Variants in LRRC63 observed in about 807,000 individuals in gnomAD.
LRRC63 encodes leucine-rich repeat-containing protein 63.
In LRRC63, 40 loss-of-function variants were observed where a neutral mutation model predicts 49.5. That is an observed-to-expected ratio of 0.81 (90% CI 0.63 to 1.05). LRRC63 has a LOEUF of 1.05. Among genes scored for constraint, LRRC63 ranks in the 50% least tolerant of loss-of-function variants. The pLI is 0.00. For missense variants in LRRC63, 636 were observed against 663.1 expected (o/e 0.96, Z 0.45); for synonymous variants, 191 against 221.1 (o/e 0.86, Z 1.21).
chr13:46,233,882 T>A (rs1290018909), intron 4 of LRRC63, among the ~76,000 whole-genome samples: 4 of 152,210 alleles, frequency 2.6e-5, no homozygotes, highest in Non-Finnish European at 5.9e-5. Context: ...AAGAGAACAT[T>A]TTTACACATA....
chr13:46,227,715 C>T (rs1050157171), exon 3 of LRRC63: 42 of 1,550,144 alleles, frequency 2.7e-5, no homozygotes, highest in East Asian at 7.3e-5. Context: ...TAAGCATGTC[C>T]GTGAGCAGAT....
At chr13:46,240,615 A>G (rs1236752192) in intron 5 of LRRC63, among the ~76,000 whole-genome samples, 1 of 152,228 alleles carries the variant, frequency 6.6e-6, no homozygotes, top group African/African-American at 2.4e-5. Flanking sequence ...CCTTAAGCTG[A>G]TAAACAACTT....
At chr13:46,231,907 C>T (rs1054722551) in intron 4 of LRRC63, among the ~76,000 whole-genome samples, 1 of 151,292 alleles carries the variant, frequency 6.6e-6, no homozygotes, top group Non-Finnish European at 1.5e-5. Flanking sequence ...GCTCCACCTC[C>T]CAGGTTCGCG....
intron 2 of LRRC63, among the ~76,000 whole-genome samples, chr13:46,217,811 C>T (rs1198240927): frequency 1.3e-5 from 2 of 152,074 alleles, no homozygotes; most frequent in East Asian, 1.9e-4. Flanking sequence ...ATTGTGTCTT[C>T]GTTCTCATTG....
chr13:46,249,312 A>G (rs1005566369), intron 6 of LRRC63, among the ~76,000 whole-genome samples: 77 of 151,886 alleles, frequency 5.1e-4, no homozygotes, highest in East Asian at 3.9e-4. Flanking sequence ...TAGAAGATAG[A>G]AAAACAGAGA....
chr13:46,271,737 A>AAT (rs1555330209), intron 9 of LRRC63, among the ~76,000 whole-genome samples: 2 of 150,724 alleles, frequency 1.3e-5, no homozygotes, highest in East Asian at 3.9e-4. Context: ...AAAAAAAAAA[A>AAT]CTCCAACAAC....
chr13:46,270,732 GC>G, intron 9 of LRRC63: 2 of 536,954 alleles, frequency 3.7e-6, no homozygotes, highest in Non-Finnish European at 6.9e-6. Context: ...ACAGCCATAG[GC>G]CGAGGAGGCC....
chr13:46,252,349 C>G (rs990918596), intron 7 of LRRC63, among the ~76,000 whole-genome samples: 1 of 151,934 alleles, frequency 6.6e-6, no homozygotes, highest in African/African-American at 2.4e-5. Context: ...GTGAACCAAA[C>G]CATTATGTAA....
At chr13:46,216,094 A>G (rs1350493228) in intron 2 of LRRC63, among the ~76,000 whole-genome samples, 1 of 152,170 alleles carries the variant, frequency 6.6e-6, no homozygotes, top group East Asian at 1.9e-4. Flanking sequence ...TGTCTTGGCT[A>G]TGTGGGCTCT....
intron 8 of LRRC63, among the ~76,000 whole-genome samples, chr13:46,263,958 A>G (rs1476560678): frequency 6.6e-6 from 1 of 152,316 alleles, no homozygotes; most frequent in East Asian, 1.9e-4. Context: ...GATGGAATAC[A>G]TAGGTAATTT....
chr13:46,252,135 G>C, intron 7 of LRRC63, among the ~76,000 whole-genome samples: 1 of 151,918 alleles, frequency 6.6e-6, no homozygotes, highest in Non-Finnish European at 1.5e-5. Context: ...CTTCAAGCAA[G>C]CTCTGACATA....
At chr13:46,264,358 A>G (rs895428648) in intron 8 of LRRC63, among the ~76,000 whole-genome samples, 5 of 152,050 alleles carry the variant, frequency 3.3e-5, no homozygotes, top group Admixed American at 1.3e-4. Context: ...TAAAATGCCT[A>G]TTGTTTACAT....
chr13:46,240,558 G>A (rs751845885), intron 5 of LRRC63, among the ~76,000 whole-genome samples: 1 of 152,124 alleles, frequency 6.6e-6, no homozygotes, highest in Non-Finnish European at 1.5e-5. Context: ...ATTTGCAAAT[G>A]GCATGATCCC....
intron 4 of LRRC63, among the ~76,000 whole-genome samples, chr13:46,232,378 A>G (rs2046789893): frequency 6.6e-6 from 1 of 152,262 alleles, no homozygotes; most frequent in African/African-American, 2.4e-5. Flanking sequence ...GAAACACAGT[A>G]GAAAACATCA....
Position 46,231,856 on chromosome 13 carries a change from C to T in LRRC63, c.833-2336C>T, listed in dbSNP as rs151168273. On this transcript the variant is annotated intron_variant, in intron 4 of 9. Coordinates refer to ENST00000595396, the Ensembl canonical transcript of LRRC63. ...TTTGAGACAGAGTCTCGCTCTGTCACCCAGGCTGGAGAGCTGTGGCAAGAT... is the reference window on the plus strand; with the variant it reads ...TTTGAGACAGAGTCTCGCTCTGTCATCCAGGCTGGAGAGCTGTGGCAAGAT... 5.9e-3 allele frequency among the ~76,000 whole-genome samples: 804 copies of T among 136,078 alleles called. 7 individuals are homozygous for T. Among genetic ancestry groups the T allele is most frequent in the Middle Eastern group, 0.021 (4 of 194 alleles). 89.3% of individuals were successfully genotyped at this position (136,078 alleles called of 152,430 possible). A position where few individuals can be genotyped will look rare whatever the true frequency, so the allele number is the denominator to read the frequency against.
chr13:46,237,395 A>G (rs186876500), intron 5 of LRRC63, among the ~76,000 whole-genome samples: 17 of 152,330 alleles, frequency 1.1e-4, no homozygotes, highest in African/African-American at 2.6e-4. Flanking sequence ...TGATGTGCCA[A>G]TGTTGGTTCA....
exon 3 of LRRC63, chr13:46,227,690 A>T: frequency 6.4e-7 from 1 of 1,550,392 alleles, no homozygotes; most frequent in Non-Finnish European, 8.7e-7. Context: ...CAATTTCATC[A>T]CCCCAGAAAT....
intron 9 of LRRC63, among the ~76,000 whole-genome samples, chr13:46,267,680 C>A (rs1036252762): frequency 1.7e-4 from 26 of 152,156 alleles, no homozygotes; most frequent in African/African-American, 5.8e-4. Context: ...GGTTAAAAAT[C>A]TACCAACGAA....
chr13:46,214,040 T>A (rs2046173598), intron 2 of LRRC63, among the ~76,000 whole-genome samples: 1 of 151,670 alleles, frequency 6.6e-6, no homozygotes, highest in South Asian at 2.1e-4. Context: ...GAGCCACTTT[T>A]ATAACTATAA....
Sources: gnomAD v4.1 joint callset for allele counts (sites outside exome capture counted in the v4.1 genomes callset) on GRCh38, gnomAD v4.1.1 for gene constraint, MANE v1.5 for transcripts, NCBI Gene and HGNC (gene_info 2026-07-23, HGNC 2026-07-21) for gene names.